The following PRELID2 variants were observed in gnomAD, a reference collection of about 807,000 sequenced individuals.
PRELID2 encodes the protein PRELI domain-containing protein 2.
In PRELID2, 25 loss-of-function variants were observed where a neutral mutation model predicts 28.4. The ratio of observed to expected loss-of-function variants is 0.88; its 90% CI spans 0.64 to 1.23. The LOEUF is 1.23. PRELID2 is among the 50% of genes most tolerant of loss of function. PRELID2 has a pLI of 0.00. For synonymous variants in PRELID2, 76 were observed against 71.6 expected, an observed-to-expected ratio of 1.06 and a Z score of -0.31; for missense variants, 201 against 214.4, an observed-to-expected ratio of 0.94 and a Z score of 0.39.
chr5:145,330,901 G>A, the PRELID2 span, among the ~76,000 whole-genome samples: 1 of 151,992 alleles, frequency 6.6e-6, no homozygotes, highest in Non-Finnish European at 1.5e-5. Flanking sequence ...GCTTTCTCCT[G>A]TGGGCATTTA....
At chr5:145,542,565 G>A (rs542647864) in intron 1 of PRELID2, among the ~76,000 whole-genome samples, 22 of 152,198 alleles carry the variant, frequency 1.4e-4, no homozygotes, top group South Asian at 6.2e-4. Flanking sequence ...ACCAAAGAAT[G>A]AATAAAGATT....
intron 1 of PRELID2, among the ~76,000 whole-genome samples, chr5:145,665,454 C>T (rs778295729): frequency 2.0e-5 from 3 of 152,086 alleles, no homozygotes; most frequent in Non-Finnish European, 4.4e-5. Flanking sequence ...GCCATAGCCT[C>T]TAAGTCAACT....
At chr5:145,745,319 C>G (rs948725838) in intron 1 of PRELID2, among the ~76,000 whole-genome samples, 4 of 152,132 alleles carry the variant, frequency 2.6e-5, no homozygotes, top group Admixed American at 1.3e-4. Flanking sequence ...CTTCCCCAAC[C>G]TAGCAAGACA....
At chr5:145,502,550 T>C (rs1268648575) in intron 1 of PRELID2, among the ~76,000 whole-genome samples, 1 of 152,144 alleles carries the variant, frequency 6.6e-6, no homozygotes, top group East Asian at 1.9e-4. Flanking sequence ...GTCTGCCACA[T>C]TTCCATTACT....
At chr5:145,612,287 G>T (rs1435717494) in intron 1 of PRELID2, among the ~76,000 whole-genome samples, 1 of 152,084 alleles carries the variant, frequency 6.6e-6, no homozygotes, top group African/African-American at 2.4e-5. Flanking sequence ...TAAAGGAAAA[G>T]ATTGGCAAAT....
the PRELID2 span, among the ~76,000 whole-genome samples, chr5:145,346,031 A>G: frequency 1.3e-5 from 2 of 152,100 alleles, no homozygotes; most frequent in Admixed American, 6.6e-5. Context: ...CAAAACAGAG[A>G]AAGTTAAAGA....
chr5:145,696,999 A>G (rs1320732560), intron 1 of PRELID2, among the ~76,000 whole-genome samples: 1 of 141,142 alleles, frequency 7.1e-6, no homozygotes, highest in South Asian at 2.4e-4. Flanking sequence ...GGTACTGATC[A>G]AGCAACAAAG....
chr5:145,715,302 G>T (rs190314148), intron 1 of PRELID2, among the ~76,000 whole-genome samples: 42 of 152,080 alleles, frequency 2.8e-4, no homozygotes, highest in Middle Eastern at 3.4e-3. Context: ...CAAAATCAAT[G>T]CAATAGCAAA....
the PRELID2 span, among the ~76,000 whole-genome samples, chr5:145,460,538 T>A: frequency 6.6e-6 from 1 of 152,214 alleles, no homozygotes; most frequent in South Asian, 2.1e-4. Context: ...TACAATCATT[T>A]ACTAACTTCT....
In PRELID2 at chr5:145,728,559, T is replaced by C. The variant is rs1002387917; in HGVS notation, n.70+36372A>G. Reference sequence around the variant, plus strand: ...CACATCAGCATCATCCTCAATTTCCTGGAATGAATTGTTGATCATGGCAAT... The same window carrying C: ...CACATCAGCATCATCCTCAATTTCCCGGAATGAATTGTTGATCATGGCAAT... On this transcript the variant is annotated intron_variant and non_coding_transcript_variant, in intron 1 of 2. Transcript: ENST00000510259. 1.4e-4 allele frequency: 112 copies of C among 828,094 alleles called. 1 individual carries two copies. Among genetic ancestry groups the C allele is most frequent in the Non-Finnish European group, 2.0e-4 (98 of 479,310 alleles). 51.3% of individuals were successfully genotyped at this position (828,094 alleles called of 1,614,324 possible). A position where few individuals can be genotyped will look rare whatever the true frequency, so the allele number is the denominator to read the frequency against.
chr5:145,411,439 A>AAAG, the PRELID2 span, among the ~76,000 whole-genome samples: 1 of 152,210 alleles, frequency 6.6e-6, no homozygotes, highest in Non-Finnish European at 1.5e-5. Flanking sequence ...ATTAAACCTT[A>AAAG]AAGTTCCATA....
chr5:145,401,077 C>A, the PRELID2 span, among the ~76,000 whole-genome samples: 2 of 152,062 alleles, frequency 1.3e-5, no homozygotes, highest in Admixed American at 1.3e-4. Flanking sequence ...GTTATCCATC[C>A]CCAGACAGAA....
chr5:145,564,971 C>T (rs897281369), intron 1 of PRELID2, among the ~76,000 whole-genome samples: 16 of 152,182 alleles, frequency 1.1e-4, no homozygotes, highest in African/African-American at 3.6e-4. Flanking sequence ...GCTCACCCTC[C>T]GTGGGCTGCA....
chr5:145,291,825 G>A, the PRELID2 span, among the ~76,000 whole-genome samples: 8 of 152,012 alleles, frequency 5.3e-5, no homozygotes, highest in African/African-American at 1.9e-4. Flanking sequence ...CGGTGTCTTG[G>A]AAAAATGTTT....
At chr5:145,803,635 G>T (rs942272265) in intron 4 of PRELID2, among the ~76,000 whole-genome samples, 1 of 150,260 alleles carries the variant, frequency 6.7e-6, no homozygotes, top group African/African-American at 2.5e-5. Context: ...AGCACTCAAA[G>T]TACTATGTGT....
At chr5:145,333,801 A>G in the PRELID2 span, among the ~76,000 whole-genome samples, 1 of 140,528 alleles carries the variant, frequency 7.1e-6, no homozygotes. Context: ...CTGGTGTTCC[A>G]GGTGCCACTG....
At position 145,818,043 on chromosome 5, in the gene PRELID2, C is replaced by A; in HGVS notation, c.219G>T (p.Leu73Phe). 1 of 1,611,970 alleles carries A rather than the reference C, an allele frequency of 6.2e-7. No individual in the cohort carries two copies. Among genetic ancestry groups the A allele is most frequent in the Non-Finnish European group, 8.5e-7 (1 of 1,179,004 alleles). ...CTTCTAATTGGATATTAGGTACTTT[C>A]AAAATGCTCACCTGTCCAACAGAAA... ...VPEILRKVSILKVPNIQLEEE... is the reference protein window; with the variant it reads ...VPEILRKVSIFKVPNIQLEEE... The change falls in exon 4 of 7, where the codon TTG (leucine) becomes TTT (phenylalanine). Residue 73 changes from leucine (L) to phenylalanine (F), a missense_variant. By Grantham distance (22) the Leu-to-Phe change is conservative. Coordinates refer to ENST00000683046, the MANE Select transcript of PRELID2 (RefSeq NM_205846.3).
At chr5:145,229,312 GCAA>G in the PRELID2 span, 1 of 745,952 alleles carries the variant, frequency 1.3e-6, no homozygotes, top group South Asian at 1.3e-5. Flanking sequence ...AATATGCAAA[GCAA>G]CACGGGATTC....
intron 1 of PRELID2, among the ~76,000 whole-genome samples, chr5:145,523,477 C>A (rs1752580685): frequency 6.6e-6 from 1 of 152,120 alleles, no homozygotes; most frequent in Admixed American, 6.5e-5. Context: ...AAGACTTAAA[C>A]AACAAAAATT....
Sources: allele counts gnomAD v4.1 joint callset (sites outside exome capture counted in the v4.1 genomes callset), GRCh38; gene constraint gnomAD v4.1.1; transcripts MANE v1.5; gene names NCBI Gene and HGNC (gene_info 2026-07-23, HGNC 2026-07-21).